Variants in CRACD observed in about 807,000 individuals in gnomAD.
CRACD encodes the protein capping protein-inhibiting regulator of actin dynamics.
A neutral mutation model predicts 106.8 loss-of-function variants in CRACD; 56 were observed. That is an observed-to-expected ratio of 0.52 (90% CI 0.42 to 0.66). The LOEUF (loss-of-function observed/expected upper bound fraction) is 0.66, where lower values mean the gene tolerates loss of function less well. Among genes scored for constraint, CRACD ranks in the 30% least tolerant of loss-of-function variants. The probability of loss-of-function intolerance (pLI) is 0.00; values close to 1 mark genes in which losing one functional copy is unlikely to be tolerated. For synonymous variants in CRACD, 754 were observed against 670.8 expected, an observed-to-expected ratio of 1.12 and a Z score of -1.92; for missense variants, 1,730 against 1,623.2, an observed-to-expected ratio of 1.07 and a Z score of -1.13.
At chr4:56,172,189 A>G (rs548553399) in intron 1 of CRACD, among the ~76,000 whole-genome samples, 1 of 152,150 alleles carries the variant, frequency 6.6e-6, no homozygotes, top group African/African-American at 2.4e-5. Flanking sequence ...ACTGTCCACT[A>G]AAACCGCTTC....
intron 8 of CRACD, among the ~76,000 whole-genome samples, chr4:56,319,189 T>G (rs1288091151): frequency 2.0e-5 from 3 of 152,156 alleles, no homozygotes; most frequent in Non-Finnish European, 2.9e-5. Context: ...ACCCACCACA[T>G]GCAGCCCCAC....
rs147389679 is a variant in CRACD at position 56,283,167 on chromosome 4, T to C, written c.-17+10675T>C. On this transcript the variant is annotated intron_variant, in intron 3 of 10. Transcript: ENST00000682029. ...CCTGGGTTTCAGCATCCCAGGACCA[T>C]GGGGTGTGACAACCTTTGCTCTCAG... Among the ~76,000 whole-genome samples, 13 of 152,114 alleles carry C rather than the reference T, an allele frequency of 8.5e-5. No individual in the cohort carries two copies. The East Asian group carries it at 2.3e-3, about 27-fold the overall frequency.
At chr4:56,130,319 T>C (rs1223310374) in intron 1 of CRACD, among the ~76,000 whole-genome samples, 1 of 151,928 alleles carries the variant, frequency 6.6e-6, no homozygotes, top group Admixed American at 6.6e-5. Context: ...AAATCCTAAA[T>C]CTCCAATTAC....
chr4:56,122,829 C>T (rs934436083), intron 1 of CRACD, among the ~76,000 whole-genome samples: 2 of 152,212 alleles, frequency 1.3e-5, no homozygotes, highest in Admixed American at 6.5e-5. Flanking sequence ...GGATGAATAT[C>T]AGTGAAATAT....
At chr4:56,263,870 T>A (rs1432882701) in intron 2 of CRACD, among the ~76,000 whole-genome samples, 1 of 151,936 alleles carries the variant, frequency 6.6e-6, no homozygotes, top group Non-Finnish European at 1.5e-5. Flanking sequence ...GAAGAATGAG[T>A]AGAATTTCAT....
At chr4:56,154,244 T>G (rs553646638) in intron 1 of CRACD, among the ~76,000 whole-genome samples, 1 of 151,982 alleles carries the variant, frequency 6.6e-6, no homozygotes, top group South Asian at 2.1e-4. Context: ...GGCAGGTGGA[T>G]CACTTGAGCC....
intron 8 of CRACD, among the ~76,000 whole-genome samples, chr4:56,319,947 C>G (rs1330876500): frequency 6.6e-6 from 1 of 152,090 alleles, no homozygotes; most frequent in Non-Finnish European, 1.5e-5. Flanking sequence ...CCAAGGCGGG[C>G]AGATCACTTG....
rs138135265 is a variant in CRACD at position 56,310,789 on chromosome 4, T to TCCC, written c.354+62_354+64dup. On this transcript the variant is annotated intron_variant, in intron 6 of 10. Transcript: ENST00000682029. ...TTCTTTCCTTACTTAACTTTCATCTTCCCCCCCCCTTTTTTTTTTTTGCGA... is the reference window on the plus strand; with the variant it reads ...TTCTTTCCTTACTTAACTTTCATCTTCCCCCCCCCCCCTTTTTTTTTTTTGCGA... 6.1e-6 allele frequency: 5 copies of TCCC among 815,698 alleles called. No individual in the cohort carries two copies. The South Asian group carries it at 8.2e-5, about 13-fold the overall frequency. 50.5% of individuals were successfully genotyped at this position (815,698 alleles called of 1,614,324 possible).
At chr4:56,161,305 A>C (rs1735941643) in intron 1 of CRACD, among the ~76,000 whole-genome samples, 1 of 152,206 alleles carries the variant, frequency 6.6e-6, no homozygotes, top group East Asian at 1.9e-4. Context: ...GTGGAAAGAA[A>C]GAACTGTTTC....
intron 2 of CRACD, among the ~76,000 whole-genome samples, chr4:56,185,791 T>C (rs1560476160): frequency 6.6e-6 from 1 of 152,200 alleles, no homozygotes; most frequent in Non-Finnish European, 1.5e-5. Context: ...TATGTCATTG[T>C]TCTAGTGGTC....
chr4:56,197,085 A>T (rs756780817), intron 2 of CRACD, among the ~76,000 whole-genome samples: 1 of 152,210 alleles, frequency 6.6e-6, no homozygotes, highest in Non-Finnish European at 1.5e-5. Flanking sequence ...ATAATACCAG[A>T]TAAATAAGAA....
At chr4:56,237,758 ACACAAACACAT>A in intron 2 of CRACD, among the ~76,000 whole-genome samples, 1 of 149,898 alleles carries the variant, frequency 6.7e-6, no homozygotes, top group South Asian at 2.1e-4. Context: ...ACACACACAC[ACACAAACACAT>A]ACACATACAC....
At chr4:56,051,996 CAGT>C (rs754752845) in intron 1 of CRACD, among the ~76,000 whole-genome samples, 33 of 152,312 alleles carry the variant, frequency 2.2e-4, no homozygotes, top group Non-Finnish European at 4.6e-4. Flanking sequence ...ACTAAGCACT[CAGT>C]GTCAGCTAAT....
intron 8 of CRACD, among the ~76,000 whole-genome samples, chr4:56,319,612 G>GA (rs935178304): frequency 2.5e-4 from 35 of 138,296 alleles, no homozygotes; most frequent in South Asian, 1.1e-3. Flanking sequence ...TCAAAAAAAG[G>GA]AAAAAAAAAA....
chr4:56,169,717 C>G (rs926175798), intron 1 of CRACD, among the ~76,000 whole-genome samples: 3 of 152,080 alleles, frequency 2.0e-5, no homozygotes, highest in African/African-American at 7.2e-5. Flanking sequence ...AGGCTCGTCT[C>G]GAACTCCTGA....
intron 9 of CRACD, 22 bp from the exon 10 acceptor site, chr4:56,324,082 A>G (rs1486817553): frequency 1.1e-5 from 18 of 1,589,114 alleles, no homozygotes; most frequent in Non-Finnish European, 1.5e-5. Context: ...CATGTTTCCC[A>G]TGACTGTCTC....
intron 2 of CRACD, among the ~76,000 whole-genome samples, chr4:56,221,620 C>T (rs907983410): frequency 2.0e-5 from 3 of 151,820 alleles, no homozygotes; most frequent in African/African-American, 7.3e-5. Flanking sequence ...AGAAAGGACT[C>T]ATATTCAGAA....
chr4:56,166,695 A>G (rs1275016137), intron 1 of CRACD, among the ~76,000 whole-genome samples: 1 of 145,534 alleles, frequency 6.9e-6, no homozygotes, highest in Non-Finnish European at 1.5e-5. Flanking sequence ...AAAAAAAACC[A>G]TTTAATGGAG....
Position 56,316,202 on chromosome 4 carries a change from C to T in CRACD, c.2700C>T (p.Leu900=), listed in dbSNP as rs201181209. ...AGAAAGAGATGGAGGGTGTGGCCCTCAAGCATGGTCCATCCCTCCCCCAAG... is the reference window on the plus strand; with the variant it reads ...AGAAAGAGATGGAGGGTGTGGCCCTTAAGCATGGTCCATCCCTCCCCCAAG... ...RGEKEMEGVA[L]KHGPSLPQER... The change falls in exon 8 of 11, where the codon CTC becomes CTT. Residue 900 remains leucine (L), a synonymous_variant. Transcript: ENST00000682029. 8 of 1,614,162 alleles carry T rather than the reference C, an allele frequency of 5.0e-6. No individual in the cohort carries two copies. The highest frequency in any genetic ancestry group is 6.8e-6 in the Non-Finnish European group (8 of 1,179,996).
Sources: gnomAD v4.1 joint callset for allele counts (sites outside exome capture counted in the v4.1 genomes callset) on GRCh38, gnomAD v4.1.1 for gene constraint, MANE v1.5 for transcripts, NCBI Gene and HGNC (gene_info 2026-07-23, HGNC 2026-07-21) for gene names.